SLC9A4: variants seen among roughly 807,000 people sequenced by gnomAD.
SLC9A4 encodes sodium/hydrogen exchanger 4.
In SLC9A4, 63 loss-of-function variants were observed where a neutral mutation model predicts 67.4. The ratio of observed to expected loss-of-function variants is 0.93; its 90% CI spans 0.76 to 1.15. The LOEUF is 1.15. Among genes scored for constraint, SLC9A4 ranks in the 50% most tolerant of loss-of-function variants. The pLI is 0.00. For synonymous variants in SLC9A4, 393 were observed against 367.2 expected (o/e 1.07, Z -0.80); for missense variants, 1,089 against 987.7 (o/e 1.10, Z -1.38).
intron 1 of SLC9A4, among the ~76,000 whole-genome samples, chr2:102,475,503 C>T (rs1684311657): frequency 6.6e-6 from 1 of 152,120 alleles, no homozygotes; most frequent in South Asian, 2.1e-4. Flanking sequence ...TGTGTAAAAC[C>T]TAGCTTGTTT....
At chr2:102,527,129 G>A (rs1674681568) in intron 11 of SLC9A4, among the ~76,000 whole-genome samples, 1 of 151,910 alleles carries the variant, frequency 6.6e-6, no homozygotes, top group Non-Finnish European at 1.5e-5. Context: ...ATTCAGTAGA[G>A]AAAAGCATAA....
rs1305911045 is a variant in SLC9A4, at chr2:102,533,911, G to C, written c.*1223G>C. 5 of 150,994 alleles carry C rather than the reference G, an allele frequency of 3.3e-5. No individual in the cohort carries two copies. The highest frequency in any genetic ancestry group is 1.3e-4 in the Admixed American group (2 of 15,168). 9.4% of individuals were successfully genotyped at this position (150,994 alleles called of 1,614,324 possible). On this transcript the variant is annotated 3_prime_UTR_variant, in exon 12 of 12. Coordinates refer to ENST00000295269, the MANE Select transcript of SLC9A4 (RefSeq NM_001011552.4). ...TCTATCATTGTTGGACATTTGGGTTGGTTCCAAGTCTTTGCTATTGTGAAT... is the reference window on the plus strand; with the variant it reads ...TCTATCATTGTTGGACATTTGGGTTCGTTCCAAGTCTTTGCTATTGTGAAT...
At chr2:102,492,488 CT>C (rs1244673133) in intron 2 of SLC9A4, among the ~76,000 whole-genome samples, 15 of 152,254 alleles carry the variant, frequency 9.9e-5, no homozygotes, top group African/African-American at 3.6e-4. Flanking sequence ...AAGCTTGGAG[CT>C]TACACCCTCT....
Position 102,505,430 on chromosome 2 carries a change from T to C in SLC9A4, c.1157T>C (p.Ile386Thr), listed in dbSNP as rs776068427. 4.3e-6 allele frequency: 7 copies of C among 1,614,222 alleles called. No homozygotes were observed. The highest frequency in any genetic ancestry group is 2.5e-6 in the Non-Finnish European group (3 of 1,180,030). The change falls in exon 4 of 12, where the codon ATC becomes ACC. Residue 386 changes from isoleucine to threonine, a missense_variant. Coordinates refer to ENST00000295269, the MANE Select transcript of SLC9A4 (RefSeq NM_001011552.4). Reference protein sequence around the residue: ...GKNHEWNWAFICFTLAFCQIW... With the variant: ...GKNHEWNWAFTCFTLAFCQIW... ...AATCACGAGTGGAACTGGGCCTTCA[T>C]CTGCTTCACCCTGGCCTTCTGCCAA...
intron 2 of SLC9A4, among the ~76,000 whole-genome samples, chr2:102,486,692 G>A (rs888456835): frequency 5.3e-5 from 8 of 152,170 alleles, no homozygotes; most frequent in African/African-American, 1.9e-4. Flanking sequence ...ATCCTTTTGT[G>A]CCTCAGTTTC....
rs199960975 is a variant in SLC9A4, at chr2:102,478,941, A to C, written c.359A>C (p.Lys120Thr). The C allele has an allele frequency of 2.3e-5, 37 of 1,613,964 alleles. No homozygotes were observed. In the Admixed American group the frequency reaches 6.0e-4, roughly 26 times the overall value. ...VGGIIFGTDH[K>T]SPPVMDSSIY... ...GGCATCATCTTCGGCACCGACCACA[A>C]ATCGCCTCCGGTCATGGACTCCAGC... Residue 120 changes from lysine to threonine, a missense_variant, in exon 2 of 12, where the codon AAA becomes ACA. Lys to Thr is a moderately conservative substitution (Grantham distance 78, BLOSUM62 -1). Transcript: ENST00000295269.
intron 2 of SLC9A4, 81 bp from the exon 3 acceptor site, chr2:102,503,367 A>T (rs530913473): frequency 7.7e-7 from 1 of 1,302,906 alleles, no homozygotes; most frequent in East Asian, 2.5e-5. Flanking sequence ...ACTTAACTAG[A>T]CACAAAGCTG....
intron 6 of SLC9A4, among the ~76,000 whole-genome samples, chr2:102,510,012 T>TC (rs1490305855): frequency 2.6e-5 from 4 of 152,128 alleles, no homozygotes; most frequent in Non-Finnish European, 5.9e-5. Context: ...ACTTCCTTTT[T>TC]TTTTTTTTAT....
At chr2:102,499,764 C>A (rs4851600) in intron 2 of SLC9A4, among the ~76,000 whole-genome samples, 1 of 152,170 alleles carries the variant, frequency 6.6e-6, no homozygotes, top group South Asian at 2.1e-4. Context: ...TCTAAACATG[C>A]TTATTGGCTA....
chr2:102,503,864 G>A (rs1464867383), intron 3 of SLC9A4, among the ~76,000 whole-genome samples, 157 bp downstream of exon 3: 1 of 152,030 alleles, frequency 6.6e-6, no homozygotes, highest in Non-Finnish European at 1.5e-5. Context: ...AACCTGATTC[G>A]GGTTCTTTGT....
chr2:102,531,858 C>A (rs1194565045), intron 11 of SLC9A4, among the ~76,000 whole-genome samples: 1 of 152,186 alleles, frequency 6.6e-6, no homozygotes, highest in African/African-American at 2.4e-5. Flanking sequence ...CCAGGATTGA[C>A]TTTTTCTATA....
At chr2:102,493,587 T>C (rs1482581097) in intron 2 of SLC9A4, among the ~76,000 whole-genome samples, 1 of 151,860 alleles carries the variant, frequency 6.6e-6, no homozygotes, top group Non-Finnish European at 1.5e-5. Context: ...TCCCACCATG[T>C]CACTCCCCTA....
chr2:102,479,302 G>T lies in SLC9A4; in HGVS notation c.720G>T (p.Val240=). The change falls in exon 2 of 12, where the codon GTG becomes GTT. Residue 240 remains valine (V), a splice_region_variant and synonymous_variant. Coordinates refer to ENST00000295269, the MANE Select transcript of SLC9A4 (RefSeq NM_001011552.4). ...GEALLNDGIT[V]VLYNMLIAFT... ...CCCTGCTCAATGATGGCATTACTGT[G>T]GTGAGATGTCATGTGCCCGCCCGGC... 1 of 1,603,070 alleles carries T rather than the reference G, an allele frequency of 6.2e-7. No homozygotes were observed.
At chr2:102,488,546 T>C (rs1483426982) in intron 2 of SLC9A4, among the ~76,000 whole-genome samples, 2 of 119,686 alleles carry the variant, frequency 1.7e-5, no homozygotes, top group African/African-American at 7.1e-5. Flanking sequence ...GAAATCTAAT[T>C]CCTTTTTTTT....
intron 2 of SLC9A4, among the ~76,000 whole-genome samples, chr2:102,502,915 C>T (rs760834818): frequency 1.1e-4 from 17 of 152,202 alleles, no homozygotes; most frequent in African/African-American, 2.9e-4. Flanking sequence ...AGGCCAAAGC[C>T]GCAGGGTTGC....
intron 6 of SLC9A4, 32 bp from the exon 7 acceptor site, chr2:102,512,171 C>G: frequency 1.9e-6 from 3 of 1,613,346 alleles, no homozygotes; most frequent in South Asian, 2.2e-5. Context: ...TCGCGTTTCT[C>G]CAGCAATCAT....
intron 2 of SLC9A4, among the ~76,000 whole-genome samples, chr2:102,500,325 C>G (rs1261435575): frequency 6.6e-6 from 1 of 152,260 alleles, no homozygotes; most frequent in South Asian, 2.1e-4. Context: ...TCAGGGGGCG[C>G]GTAGCACTGC....
intron 2 of SLC9A4, among the ~76,000 whole-genome samples, chr2:102,480,376 T>C (rs1684433689): frequency 6.6e-6 from 1 of 152,164 alleles, no homozygotes; most frequent in African/African-American, 2.4e-5. Flanking sequence ...TTTTTTCTTT[T>C]TTTTGAGACA....
chr2:102,481,103 C>T (rs971855772), intron 2 of SLC9A4, among the ~76,000 whole-genome samples: 1 of 152,114 alleles, frequency 6.6e-6, no homozygotes, highest in Non-Finnish European at 1.5e-5. Context: ...GGCTGGGGCA[C>T]CTTATCCAGG....
Sources: allele counts gnomAD v4.1 joint callset (sites outside exome capture counted in the v4.1 genomes callset), GRCh38; gene constraint gnomAD v4.1.1; transcripts MANE v1.5; gene names NCBI Gene and HGNC (gene_info 2026-07-23, HGNC 2026-07-21).